Variants in PTPRD observed in about 807,000 individuals in gnomAD.
PTPRD encodes receptor-type tyrosine-protein phosphatase delta.
Under a neutral mutation model 214.5 loss-of-function variants are expected in PTPRD, and 34 were observed. The ratio of observed to expected loss-of-function variants is 0.16; its 90% CI spans 0.12 to 0.21. The LOEUF (loss-of-function observed/expected upper bound fraction) is 0.21. Ranked by LOEUF, PTPRD falls within the 10% of genes least tolerant of loss-of-function variation. The pLI, the probability that PTPRD is intolerant of heterozygous loss-of-function variation, is 1.00. For synonymous variants in PTPRD, 1,128 were observed against 845.7 expected (o/e 1.33, Z -5.79); for missense variants, 2,545 against 2,398.7 (o/e 1.06, Z -1.27).
intron 27 of PTPRD, among the ~76,000 whole-genome samples, chr9:8,486,756 G>C (rs550292664): frequency 5.9e-5 from 9 of 152,094 alleles, no homozygotes; most frequent in Non-Finnish European, 1.3e-4. Flanking sequence ...ATGTACCGGC[G>C]TCACGCTAAG....
chr9:10,587,554 T>C (rs1441886679), intron 2 of PTPRD, among the ~76,000 whole-genome samples: 1 of 151,622 alleles, frequency 6.6e-6, no homozygotes, highest in African/African-American at 2.4e-5. Flanking sequence ...TTATGAGGAG[T>C]TGGTTTTGTT....
At chr9:10,065,173 A>AAGAAAGAAAGAAAGAAAGAAAGAAAGAC (rs1274272886) in intron 3 of PTPRD, among the ~76,000 whole-genome samples, 4 of 151,250 alleles carry the variant, frequency 2.6e-5, no homozygotes, top group Non-Finnish European at 4.4e-5. Flanking sequence ...GAAAGAAAGA[A>AAGAAAGAAAGAAAGAAAGAAAGAAAGAC]AGAAAGAAAG....
chr9:9,761,512 C>T (rs539192022), intron 6 of PTPRD, among the ~76,000 whole-genome samples: 1 of 152,198 alleles, frequency 6.6e-6, no homozygotes, highest in South Asian at 2.1e-4. Context: ...AAGGTGATAG[C>T]ATTTTATAGA....
intron 7 of PTPRD, among the ~76,000 whole-genome samples, chr9:9,666,204 T>C (rs1307302250): frequency 6.6e-6 from 1 of 151,954 alleles, no homozygotes; most frequent in African/African-American, 2.4e-5. Flanking sequence ...AAATGATTAA[T>C]GCCTATTGGT....
chr9:8,731,169 C>A (rs2098654160), intron 12 of PTPRD, among the ~76,000 whole-genome samples: 1 of 152,172 alleles, frequency 6.6e-6, no homozygotes. Flanking sequence ...CAGATTATAA[C>A]CCTGACTCTC....
intron 2 of PTPRD, among the ~76,000 whole-genome samples, chr9:10,578,519 A>T (rs534107852): frequency 7.1e-4 from 108 of 152,268 alleles, no homozygotes; most frequent in Middle Eastern, 3.4e-3. Flanking sequence ...GGTCCAATAG[A>T]AACTGTTGAT....
intron 39 of PTPRD, among the ~76,000 whole-genome samples, chr9:8,352,135 T>A (rs1218707029): frequency 6.6e-6 from 1 of 152,014 alleles, no homozygotes; most frequent in Admixed American, 6.5e-5. Context: ...CAAAGACTTC[T>A]GCATGATCTT....
At chr9:9,978,117 T>A (rs143948146) in intron 4 of PTPRD, among the ~76,000 whole-genome samples, 1 of 48,716 alleles carries the variant, frequency 2.1e-5, no homozygotes, top group Non-Finnish European at 5.2e-5. Flanking sequence ...CACACACACG[T>A]GGGAGAAAGT....
At chr9:9,048,695 G>A (rs1319934150) in intron 10 of PTPRD, among the ~76,000 whole-genome samples, 1 of 152,094 alleles carries the variant, frequency 6.6e-6, no homozygotes, top group African/African-American at 2.4e-5. Context: ...AGGTGGGGAG[G>A]TAGGGATGGT....
At chr9:10,193,032 A>C (rs1169543956) in intron 3 of PTPRD, among the ~76,000 whole-genome samples, 1 of 152,104 alleles carries the variant, frequency 6.6e-6, no homozygotes, top group African/African-American at 2.4e-5. Context: ...CCCTTATTAC[A>C]GTATAGGCCA....
chr9:8,980,046 C>A (rs1427828749), intron 11 of PTPRD, among the ~76,000 whole-genome samples: 2 of 151,900 alleles, frequency 1.3e-5, no homozygotes, highest in African/African-American at 4.8e-5. Flanking sequence ...ATTATTCAGC[C>A]TCAAAAAAAG....
At chr9:8,322,659 C>G (rs953955863) in intron 44 of PTPRD, among the ~76,000 whole-genome samples, 4 of 152,280 alleles carry the variant, frequency 2.6e-5, no homozygotes, top group South Asian at 4.1e-4. Flanking sequence ...CAAGGTGAAG[C>G]AATAAGTGCT....
At chr9:9,493,787 C>CA (rs750252052) in intron 8 of PTPRD, among the ~76,000 whole-genome samples, 2,048 of 53,856 alleles carry the variant, frequency 0.038, 72 homozygotes, top group East Asian at 0.068. Context: ...GACTCCGTCT[C>CA]AAAAAAAAAA....
intron 8 of PTPRD, among the ~76,000 whole-genome samples, chr9:9,455,976 C>T (rs2092937663): frequency 6.6e-6 from 1 of 151,664 alleles, no homozygotes; most frequent in African/African-American, 2.4e-5. Flanking sequence ...CAATATTTAA[C>T]CCATTAATAT....
At chr9:9,749,298 T>C (rs576266761) in intron 6 of PTPRD, among the ~76,000 whole-genome samples, 2 of 152,182 alleles carry the variant, frequency 1.3e-5, no homozygotes, top group Non-Finnish European at 2.9e-5. Flanking sequence ...GGTTGGTAAG[T>C]TGGCTTAACT....
intron 10 of PTPRD, among the ~76,000 whole-genome samples, chr9:9,042,605 CTTT>C (rs201347176): frequency 0.036 from 2,889 of 81,186 alleles, 93 homozygotes; most frequent in African/African-American, 0.11. Flanking sequence ...AGCATTTTTT[CTTT>C]TTTTTCTTTT....
At chr9:9,816,171 T>C (rs1242096955) in intron 5 of PTPRD, among the ~76,000 whole-genome samples, 1 of 152,168 alleles carries the variant, frequency 6.6e-6, no homozygotes, top group Non-Finnish European at 1.5e-5. Flanking sequence ...GAAAACAAAA[T>C]ATTTGTTTTC....
chr9:10,597,035 G>T (rs1048319042), intron 2 of PTPRD, among the ~76,000 whole-genome samples: 1 of 150,628 alleles, frequency 6.6e-6, no homozygotes, highest in African/African-American at 2.4e-5. Flanking sequence ...GTTATTACAG[G>T]GTCCTATCTA....
intron 5 of PTPRD, among the ~76,000 whole-genome samples, chr9:9,767,560 A>C (rs1263180329): frequency 1.3e-5 from 2 of 152,100 alleles, no homozygotes; most frequent in Non-Finnish European, 2.9e-5. Flanking sequence ...GGCACAGATT[A>C]TCTAAATCTG....
Sources: allele counts gnomAD v4.1 joint callset (sites outside exome capture counted in the v4.1 genomes callset), GRCh38; gene constraint gnomAD v4.1.1; transcripts MANE v1.5; gene names NCBI Gene and HGNC (gene_info 2026-07-23, HGNC 2026-07-21).